The following DYNC2I1 variants were observed in gnomAD, a reference collection of about 807,000 sequenced individuals.
DYNC2I1 encodes the protein dynein 2 intermediate chain 1.
A neutral mutation model predicts 133.4 loss-of-function variants in DYNC2I1; 89 were observed. The ratio of observed to expected loss-of-function variants is 0.67; its 90% CI spans 0.56 to 0.80. The LOEUF (loss-of-function observed/expected upper bound fraction) is 0.80, where lower values mean the gene tolerates loss of function less well. Ranked by LOEUF, DYNC2I1 falls within the 30% of genes least tolerant of loss-of-function variation. The pLI is 0.00. For synonymous variants in DYNC2I1, 504 were observed against 484.3 expected, an observed-to-expected ratio of 1.04 and a Z score of -0.54; for missense variants, 1,291 against 1,314.5, an observed-to-expected ratio of 0.98 and a Z score of 0.28.
At chr7:158,925,996 C>T (rs1038624822) in intron 17 of DYNC2I1, among the ~76,000 whole-genome samples, 191 bp from the exon 18 acceptor site, 3 of 152,122 alleles carry the variant, frequency 2.0e-5, no homozygotes, top group African/African-American at 7.2e-5. Context: ...ATCTGAAAGT[C>T]GTGGTCCTGT....
chr7:158,915,344 C>T (rs1188077924), intron 14 of DYNC2I1, among the ~76,000 whole-genome samples: 7 of 145,632 alleles, frequency 4.8e-5, no homozygotes, highest in Admixed American at 1.4e-4. Flanking sequence ...GATTGTGAAA[C>T]GTCGACACGC....
At chr7:158,902,317 A>T (rs1206527887) in intron 9 of DYNC2I1, 59 bp from the exon 10 acceptor site, 2 of 1,410,594 alleles carry the variant, frequency 1.4e-6, no homozygotes, top group East Asian at 2.3e-5. Context: ...GTTCAGTATG[A>T]GGGATAATTG....
At chr7:158,906,646 CAG>C (rs1846845970) in intron 11 of DYNC2I1, among the ~76,000 whole-genome samples, 1 of 151,982 alleles carries the variant, frequency 6.6e-6, no homozygotes, top group Non-Finnish European at 1.5e-5. Context: ...TTAGTAGAGA[CAG>C]GGTTTCTCCA....
intron 1 of DYNC2I1, among the ~76,000 whole-genome samples, chr7:158,868,177 G>A (rs796086525): frequency 1.3e-5 from 2 of 152,208 alleles, no homozygotes; most frequent in South Asian, 4.1e-4. Flanking sequence ...AGGAAGGGTT[G>A]TTGAAGAGTC....
Position 158,869,875 on chromosome 7 carries a change from C to G in DYNC2I1, c.36C>G (p.Thr12=). Residue 12 remains threonine, a synonymous_variant, in exon 2 of 25, where the codon ACC becomes ACG. Coordinates refer to ENST00000407559, the MANE Select transcript of DYNC2I1 (RefSeq NM_018051.5). The stretch of plus-strand genomic sequence containing the variant: ...TTTAGAGAAGAACCAAAGATGATAC[C>G]TGGAAAGCAGATGACCTCAGAAAAC... ...EPGKRRTKDD[T]WKADDLRKHL... is the part of the protein sequence containing the mutation. 6.2e-7 allele frequency: 1 copy of G among 1,613,282 alleles called. No individual in the cohort carries two copies. Among genetic ancestry groups the G allele is most frequent in the Non-Finnish European group, 8.5e-7 (1 of 1,179,328 alleles).
At chr7:158,847,252 G>A in the DYNC2I1 span, among the ~76,000 whole-genome samples, 1 of 152,094 alleles carries the variant, frequency 6.6e-6, no homozygotes, top group East Asian at 1.9e-4. Context: ...TAAAAAAGTA[G>A]GAGAGTAAAT....
intron 1 of DYNC2I1, among the ~76,000 whole-genome samples, chr7:158,857,674 A>AT (rs1267692797): frequency 6.6e-6 from 1 of 150,574 alleles, no homozygotes; most frequent in Admixed American, 6.6e-5. Context: ...AGTAGGTGGG[A>AT]TTACAGATGT....
chr7:158,876,860 T>A (rs1240119382), intron 4 of DYNC2I1, among the ~76,000 whole-genome samples, 169 bp downstream of exon 4: 1 of 152,182 alleles, frequency 6.6e-6, no homozygotes, highest in African/African-American at 2.4e-5. Context: ...CATAGTCAAG[T>A]GCGTTTTTCT....
chr7:158,910,072 A>G (rs1341572624), intron 11 of DYNC2I1, among the ~76,000 whole-genome samples: 2 of 152,242 alleles, frequency 1.3e-5, no homozygotes, highest in East Asian at 3.8e-4. Context: ...TGGCGATAAC[A>G]GTAAAGAAAC....
At chr7:158,946,977 G>A (rs562565347), downstream of DYNC2I1, among the ~76,000 whole-genome samples, 8 of 152,334 alleles carry the variant, frequency 5.3e-5, no homozygotes, top group South Asian at 8.3e-4. Context: ...AGGGCTGCAC[G>A]TCTCGCGTGG....
chr7:158,915,987 G>C (rs1033430946), intron 14 of DYNC2I1, among the ~76,000 whole-genome samples: 57 of 82,606 alleles, frequency 6.9e-4, no homozygotes, highest in South Asian at 2.0e-3. Flanking sequence ...ATTGTGAAAC[G>C]TCGACACGCT....
In DYNC2I1 at chr7:158,930,099, G is replaced by A. The variant is rs963981870; in HGVS notation, c.2486-356G>A. On this transcript the variant is annotated intron_variant, in intron 20 of 24. Coordinates refer to ENST00000407559, the MANE Select transcript of DYNC2I1 (RefSeq NM_018051.5). ...GTTGGAGCCTCGGTGGACATTCACA[G>A]GACAGCGTTTGCTGCTGTGATCTAA... Among the ~76,000 whole-genome samples, 5 of 152,286 alleles carry A rather than the reference G, an allele frequency of 3.3e-5. 1 individual carries two copies. The Middle Eastern group carries it at 0.01, about 311-fold the overall frequency.
intron 12 of DYNC2I1, 78 bp downstream of exon 12, chr7:158,911,757 T>C (rs1585127147): frequency 4.7e-6 from 7 of 1,477,372 alleles, no homozygotes; most frequent in Non-Finnish European, 4.5e-6. Context: ...TCCTGAATAA[T>C]GTTCTGCAAT....
chr7:158,900,356 A>G (rs1256973194), intron 8 of DYNC2I1, among the ~76,000 whole-genome samples: 1 of 152,138 alleles, frequency 6.6e-6, no homozygotes, highest in African/African-American at 2.4e-5. Context: ...TCCTGACCTC[A>G]GATGATCCAC....
chr7:158,857,540 G>GTTTTTT (rs1278230154), intron 1 of DYNC2I1, among the ~76,000 whole-genome samples: 2 of 100,902 alleles, frequency 2.0e-5, no homozygotes, highest in Non-Finnish European at 2.0e-5. Context: ...TTAGGTTTTT[G>GTTTTTT]TTTTTTTTTT....
At chr7:158,886,229 C>G (rs1844588886) in intron 6 of DYNC2I1, among the ~76,000 whole-genome samples, 6 of 152,048 alleles carry the variant, frequency 3.9e-5, no homozygotes, top group Admixed American at 3.9e-4. Context: ...CTCCCTGGTT[C>G]AAGCAAATTC....
intron 4 of DYNC2I1, among the ~76,000 whole-genome samples, chr7:158,954,916 C>A (rs967216489): frequency 1.3e-5 from 2 of 151,960 alleles, no homozygotes; most frequent in African/African-American, 4.8e-5. Context: ...TGCCCCGTCC[C>A]CCACAGGCCT....
At position 158,934,781 on chromosome 7, in the gene DYNC2I1, G is replaced by A. The variant is rs137941503; in HGVS notation, c.2778+232G>A. ...AAAATGTATTTTTTTGTAGAGACGA[G>A]GTCTCCCTGTGTTGCCTAGGCTTGC... On this transcript the variant is annotated intron_variant, in intron 23 of 24. Transcript: ENST00000407559. Among the ~76,000 whole-genome samples, 781 of 152,158 alleles carry A rather than the reference G, an allele frequency of 5.1e-3. 6 individuals carry two copies. Among genetic ancestry groups the A allele is most frequent in the African/African-American group, 0.018 (749 of 41,500 alleles).
chr7:158,938,409 C>T (rs1428939448), intron 23 of DYNC2I1, among the ~76,000 whole-genome samples: 1 of 152,076 alleles, frequency 6.6e-6, no homozygotes, highest in Non-Finnish European at 1.5e-5. Flanking sequence ...TAAAGTCTTT[C>T]CCAGATATAC....
Sources: allele counts gnomAD v4.1 joint callset (sites outside exome capture counted in the v4.1 genomes callset), GRCh38; gene constraint gnomAD v4.1.1; transcripts MANE v1.5; gene names NCBI Gene and HGNC (gene_info 2026-07-23, HGNC 2026-07-21).